PIK3R4: variants seen among roughly 807,000 people sequenced by gnomAD.
PIK3R4 encodes the protein phosphoinositide 3-kinase regulatory subunit 4.
Under a neutral mutation model 136.5 loss-of-function variants are expected in PIK3R4, and 46 were observed. The observed-to-expected ratio is 0.34, with a 90% CI of 0.27 to 0.43. The LOEUF (loss-of-function observed/expected upper bound fraction) is 0.43, where lower values mean the gene tolerates loss of function less well. PIK3R4 is among the 20% of genes least tolerant of loss of function. The pLI, the probability that PIK3R4 is intolerant of heterozygous loss-of-function variation, is 1.00. For synonymous variants in PIK3R4, 557 were observed against 566.7 expected (o/e 0.98, Z 0.24); for missense variants, 1,331 against 1,649.5 (o/e 0.81, Z 3.35).
intron 2 of PIK3R4, among the ~76,000 whole-genome samples, chr3:130,737,614 C>T (rs989027759): frequency 2.6e-4 from 40 of 152,042 alleles, no homozygotes; most frequent in African/African-American, 8.5e-4. Flanking sequence ...AAGCAGAGAT[C>T]GGGCCACTAC....
intron 16 of PIK3R4, 138 bp downstream of exon 16, chr3:130,684,112 G>A: frequency 1.4e-6 from 1 of 701,578 alleles, no homozygotes; most frequent in Admixed American, 2.6e-5. Context: ...ATCAATAGTG[G>A]CAACCTCCAT....
At chr3:130,713,902 G>C (rs1298498357) in intron 9 of PIK3R4, among the ~76,000 whole-genome samples, 8 of 152,092 alleles carry the variant, frequency 5.3e-5, no homozygotes, top group Non-Finnish European at 1.5e-5. Context: ...TCAAACTCCT[G>C]ACCTTGTGAT....
intron 7 of PIK3R4, among the ~76,000 whole-genome samples, chr3:130,718,922 A>C (rs185245250): frequency 1.1e-4 from 17 of 152,244 alleles, no homozygotes; most frequent in African/African-American, 3.9e-4. Context: ...TTGTACCCCC[A>C]CAGAAGTTCA....
At chr3:130,711,762 T>C (rs765885408) in intron 9 of PIK3R4, among the ~76,000 whole-genome samples, 2 of 152,068 alleles carry the variant, frequency 1.3e-5, no homozygotes, top group Non-Finnish European at 2.9e-5. Flanking sequence ...GCAGAACAAG[T>C]CCAACACTGC....
intron 13 of PIK3R4, among the ~76,000 whole-genome samples, chr3:130,696,727 C>T (rs2066548198): frequency 6.6e-6 from 1 of 152,054 alleles, no homozygotes; most frequent in Admixed American, 6.5e-5. Flanking sequence ...TCTGCTGTTC[C>T]TGAGTGGAGT....
Position 130,703,857 on chromosome 3 carries a change from A to G in PIK3R4, c.2964T>C (p.His988=). 1 of 1,613,056 alleles carries G rather than the reference A, an allele frequency of 6.2e-7. No individual in the cohort carries two copies. The highest frequency in any genetic ancestry group is 8.5e-7 in the Non-Finnish European group (1 of 1,179,214). The change falls in exon 13 of 20, where the codon CAT becomes CAC. Residue 988 remains histidine (H), a synonymous_variant. Transcript: ENST00000356763. ...TCACAGCAGATTTATGCTCATGAAGATGGGCAACTAACAGCCCTTTAGGAC... is the reference window on the plus strand; with the variant it reads ...TCACAGCAGATTTATGCTCATGAAGGTGGGCAACTAACAGCCCTTTAGGAC... The part of the protein sequence containing the change: ...GWRPKGLLVA[H]LHEHKSAVNR...
At chr3:130,717,507 T>C (rs1414690657) in intron 8 of PIK3R4, among the ~76,000 whole-genome samples, 4 of 152,090 alleles carry the variant, frequency 2.6e-5, no homozygotes, top group Non-Finnish European at 5.9e-5. Flanking sequence ...CCATCTTTCA[T>C]GTATATATAA....
chr3:130,692,097 G>A (rs956254844), intron 13 of PIK3R4, among the ~76,000 whole-genome samples: 2 of 151,772 alleles, frequency 1.3e-5, no homozygotes, highest in African/African-American at 2.4e-5. Flanking sequence ...GAATGGTCTC[G>A]ATCTCCCAAC....
chr3:130,709,413 G>A (rs1379575879), intron 9 of PIK3R4, among the ~76,000 whole-genome samples: 2 of 152,036 alleles, frequency 1.3e-5, no homozygotes, highest in Admixed American at 1.3e-4. Context: ...TCCCACTAGA[G>A]TTTAGAGTCA....
chr3:130,745,324 C>A (rs2066846374), intron 1 of PIK3R4, 60 bp from the exon 2 acceptor site: 1 of 1,121,548 alleles, frequency 8.9e-7, no homozygotes, highest in Non-Finnish European at 1.2e-6. Flanking sequence ...TGTGAAACAC[C>A]ATTATTCCAT....
chr3:130,707,095 T>G lies in PIK3R4; in HGVS notation c.2574A>C (p.Glu858Asp). The G allele has an allele frequency of 6.2e-7, 1 of 1,608,566 alleles. No individual in the cohort carries two copies. The highest frequency in any genetic ancestry group is 8.5e-7 in the Non-Finnish European group (1 of 1,177,880). The change falls in exon 11 of 20, where the codon GAA becomes GAC. Residue 858 changes from glutamate (E) to aspartate (D), a missense_variant. Glu to Asp is a conservative substitution (Grantham distance 45). Transcript: ENST00000356763. ...HVKQDSNVNE[E>D]WKSMFGSLDP... ...CCAGTGACCCAAACATGCTTTTCCA[T>G]TCTTCATTTACATTTGAGTCTTGTT...
At chr3:130,694,285 T>C (rs903063969) in intron 13 of PIK3R4, among the ~76,000 whole-genome samples, 4 of 151,970 alleles carry the variant, frequency 2.6e-5, no homozygotes, top group African/African-American at 9.7e-5. Context: ...TTATGGATTT[T>C]AGGATCAGAT....
chr3:130,734,928 A>C (rs1576463534), intron 3 of PIK3R4, among the ~76,000 whole-genome samples: 1 of 152,222 alleles, frequency 6.6e-6, no homozygotes, highest in East Asian at 1.9e-4. Context: ...AAATGTACTA[A>C]AAGAAAATGT....
chr3:130,687,469 A>G (rs2066496181), intron 14 of PIK3R4, among the ~76,000 whole-genome samples: 1 of 152,114 alleles, frequency 6.6e-6, no homozygotes, highest in African/African-American at 2.4e-5. Context: ...AAATACTTTG[A>G]GACAATGCAA....
intron 7 of PIK3R4, among the ~76,000 whole-genome samples, chr3:130,723,094 A>AAAAAAAAAAAAAAAAAAAAG (rs2066711921): frequency 7.7e-6 from 1 of 130,120 alleles, no homozygotes; most frequent in Non-Finnish European, 1.6e-5. Context: ...AAAAAAAAAA[A>AAAAAAAAAAAAAAAAAAAAG]AAATTAAAAA....
chr3:130,728,258 G>A (rs2066743899), intron 6 of PIK3R4, among the ~76,000 whole-genome samples: 1 of 152,066 alleles, frequency 6.6e-6, no homozygotes. Context: ...CCTTCATACG[G>A]ATGTAACACA....
At chr3:130,689,850 T>C (rs190931727) in intron 14 of PIK3R4, among the ~76,000 whole-genome samples, 1 of 152,346 alleles carries the variant, frequency 6.6e-6, no homozygotes, top group Admixed American at 6.5e-5. Flanking sequence ...TATCTTGTCT[T>C]TGAAATCTTC....
At chr3:130,695,493 A>G (rs984872033) in intron 13 of PIK3R4, among the ~76,000 whole-genome samples, 1 of 152,150 alleles carries the variant, frequency 6.6e-6, no homozygotes, top group Non-Finnish European at 1.5e-5. Context: ...AAAATCTCAC[A>G]CTGTCCTGTT....
chr3:130,711,144 C>T (rs1576456852), intron 9 of PIK3R4, among the ~76,000 whole-genome samples: 1 of 151,932 alleles, frequency 6.6e-6, no homozygotes, highest in South Asian at 2.1e-4. Flanking sequence ...AGCTTCTGAC[C>T]ATGATGAAAT....
Sources: allele counts gnomAD v4.1 joint callset (sites outside exome capture counted in the v4.1 genomes callset), GRCh38; gene constraint gnomAD v4.1.1; transcripts MANE v1.5; gene names NCBI Gene and HGNC (gene_info 2026-07-23, HGNC 2026-07-21).